Variants in RAPGEF4 observed in about 807,000 individuals in gnomAD.
RAPGEF4 encodes the protein RAP guanine-nucleotide-exchange factor (GEF) 4.
A neutral mutation model predicts 147.9 loss-of-function variants in RAPGEF4; 66 were observed. The ratio of observed to expected loss-of-function variants is 0.45; its 90% confidence interval spans 0.37 to 0.55. The LOEUF is 0.55. Ranked by LOEUF, RAPGEF4 falls within the 20% of genes least tolerant of loss-of-function variation. RAPGEF4 has a pLI of 0.00. For missense variants in RAPGEF4, 1,071 were observed against 1,257.3 expected (o/e 0.85, Z 2.24); for synonymous variants, 419 against 442.7 (o/e 0.95, Z 0.67).
intron 4 of RAPGEF4, among the ~76,000 whole-genome samples, chr2:172,875,027 T>C (rs1695725667): frequency 6.6e-6 from 1 of 152,266 alleles, no homozygotes. Flanking sequence ...ATGTGTCTTT[T>C]GGCTGCATAA....
chr2:173,036,102 A>G (rs372557267), intron 27 of RAPGEF4, 23 bp from the exon 28 acceptor site: 54 of 1,550,088 alleles, frequency 3.5e-5, no homozygotes, highest in Admixed American at 5.0e-5. Flanking sequence ...AGTCATTACC[A>G]TCATCTCTTT....
intron 17 of RAPGEF4, among the ~76,000 whole-genome samples, chr2:173,011,045 C>T (rs1370119356): frequency 1.3e-5 from 2 of 152,098 alleles, no homozygotes; most frequent in Admixed American, 6.5e-5. Context: ...CCAGTCCCTC[C>T]GGATTTGGTC....
intron 4 of RAPGEF4, among the ~76,000 whole-genome samples, chr2:172,880,707 T>A (rs1475955124): frequency 6.6e-6 from 1 of 152,248 alleles, no homozygotes; most frequent in Admixed American, 6.5e-5. Flanking sequence ...GCATTTCCAC[T>A]TACTAGCCAG....
intron 3 of RAPGEF4, among the ~76,000 whole-genome samples, chr2:172,803,944 A>G (rs1202615243): frequency 6.6e-6 from 1 of 152,158 alleles, no homozygotes; most frequent in Non-Finnish European, 1.5e-5. Flanking sequence ...CAAGTTCCTC[A>G]TCTCCATCTG....
chr2:173,039,595 C>T (rs1188183794), intron 29 of RAPGEF4, among the ~76,000 whole-genome samples: 1 of 152,104 alleles, frequency 6.6e-6, no homozygotes, highest in Non-Finnish European at 1.5e-5. Context: ...ACTCCAACCA[C>T]AGGGAAAGGG....
At chr2:172,747,065 A>G (rs1433068713) in intron 1 of RAPGEF4, among the ~76,000 whole-genome samples, 3 of 152,234 alleles carry the variant, frequency 2.0e-5, no homozygotes, top group Non-Finnish European at 4.4e-5. Flanking sequence ...TATTACTCAC[A>G]ACTTAGTAAC....
chr2:172,747,639 A>G (rs796306310), intron 1 of RAPGEF4, among the ~76,000 whole-genome samples: 2 of 152,108 alleles, frequency 1.3e-5, no homozygotes, highest in South Asian at 4.2e-4. Context: ...AAAATTTTTT[A>G]TTTTTAGTAG....
intron 4 of RAPGEF4, among the ~76,000 whole-genome samples, chr2:172,906,913 C>T (rs1245239464): frequency 3.3e-5 from 5 of 152,222 alleles, no homozygotes; most frequent in African/African-American, 9.6e-5. Flanking sequence ...TCAGGAGATG[C>T]CACCCAACTT....
At chr2:172,941,097 G>T (rs1044013669) in intron 6 of RAPGEF4, among the ~76,000 whole-genome samples, 4 of 152,212 alleles carry the variant, frequency 2.6e-5, no homozygotes, top group Non-Finnish European at 5.9e-5. Context: ...TTACATATTA[G>T]TTCCAGGAGT....
chr2:172,936,440 T>C (rs1490983769), intron 6 of RAPGEF4, among the ~76,000 whole-genome samples: 2 of 152,332 alleles, frequency 1.3e-5, no homozygotes, highest in Non-Finnish European at 2.9e-5. Context: ...TAGGAAAATG[T>C]ATACAAATAG....
intron 3 of RAPGEF4, among the ~76,000 whole-genome samples, chr2:172,807,973 A>T (rs7606797): frequency 0.35 from 53,241 of 152,204 alleles, 9,889 homozygotes; most frequent in Middle Eastern, 0.47. Context: ...TAGAAAATCT[A>T]GATGTACTTA....
intron 29 of RAPGEF4, among the ~76,000 whole-genome samples, chr2:173,046,657 T>C (rs1455247132): frequency 6.6e-6 from 1 of 152,232 alleles, no homozygotes; most frequent in Non-Finnish European, 1.5e-5. Context: ...CACGGCTCCA[T>C]ATATCAAGGG....
chr2:172,777,237 A>G (rs1296027692), intron 1 of RAPGEF4, among the ~76,000 whole-genome samples: 2 of 152,186 alleles, frequency 1.3e-5, no homozygotes, highest in Admixed American at 1.3e-4. Flanking sequence ...TGTGTTCCAG[A>G]AAGTGTTTCT....
At chr2:172,768,820 A>G (rs1697091419) in intron 1 of RAPGEF4, among the ~76,000 whole-genome samples, 1 of 152,256 alleles carries the variant, frequency 6.6e-6, no homozygotes, top group South Asian at 2.1e-4. Flanking sequence ...GTTGTGACAA[A>G]TTCTTTTAAA....
At chr2:172,855,463 T>A (rs923627214) in intron 4 of RAPGEF4, among the ~76,000 whole-genome samples, 6 of 152,190 alleles carry the variant, frequency 3.9e-5, no homozygotes, top group Non-Finnish European at 7.4e-5. Context: ...AAGTAATATT[T>A]TTAAAGTATG....
chr2:172,963,839 A>AGACCGCAGC (rs1215269130), intron 8 of RAPGEF4, among the ~76,000 whole-genome samples: 1 of 152,222 alleles, frequency 6.6e-6, no homozygotes, highest in Admixed American at 6.5e-5. Flanking sequence ...ATAACCCCCC[A>AGACCGCAGC]AAATAACTAT....
intron 23 of RAPGEF4, among the ~76,000 whole-genome samples, chr2:173,021,660 G>C (rs1696112392): frequency 6.6e-6 from 1 of 152,194 alleles, no homozygotes; most frequent in African/African-American, 2.4e-5. Context: ...TAGGGAGAGA[G>C]TTTACATAAG....
At position 172,848,027 on chromosome 2, in the gene RAPGEF4, G is replaced by A. The variant is rs146305809; in HGVS notation, c.444+33602G>A. Among the ~76,000 whole-genome samples, 34 of 152,184 alleles carry A rather than the reference G, an allele frequency of 2.2e-4. No homozygotes were observed. The East Asian group carries it at 6.0e-3, about 27-fold the overall frequency. Reference sequence around the variant, plus strand: ...CAGAAGGACTCTTAATCTCTGGGGCGGGCAGTAGCTTTCTGGGTTCCTTTT... The same window carrying A: ...CAGAAGGACTCTTAATCTCTGGGGCAGGCAGTAGCTTTCTGGGTTCCTTTT... On this transcript the variant is annotated intron_variant, in intron 4 of 30. Transcript: ENST00000397081.
intron 4 of RAPGEF4, among the ~76,000 whole-genome samples, chr2:172,856,883 G>A (rs930285149): frequency 1.3e-5 from 2 of 152,012 alleles, no homozygotes; most frequent in African/African-American, 2.4e-5. Flanking sequence ...GCCACACTGT[G>A]GAACTGACTG....
Sources: gnomAD v4.1 joint callset for allele counts (sites outside exome capture counted in the v4.1 genomes callset) on GRCh38, gnomAD v4.1.1 for gene constraint, MANE v1.5 for transcripts, NCBI Gene and HGNC (gene_info 2026-07-23, HGNC 2026-07-21) for gene names.